ABCG5: variants seen among roughly 807,000 people sequenced by gnomAD.
ABCG5 encodes the protein ATP binding cassette subfamily G member 5, also known as ATP-binding cassette sub-family G member 5.
In ABCG5, 64 loss-of-function variants were observed where a neutral mutation model predicts 64.5. The observed-to-expected ratio is 0.99, with a 90% CI of 0.81 to 1.22. The LOEUF is 1.22. ABCG5 is among the 50% of genes most tolerant of loss of function. The pLI, the probability that ABCG5 is intolerant of heterozygous loss-of-function variation, is 0.00. For missense variants in ABCG5, 908 were observed against 829.5 expected (o/e 1.09, Z -1.16); for synonymous variants, 385 against 326.3 (o/e 1.18, Z -1.94).
downstream of ABCG5, among the ~76,000 whole-genome samples, chr2:43,808,262 A>AG (rs1373745569): frequency 2.2e-4 from 26 of 118,826 alleles, no homozygotes; most frequent in African/African-American, 8.5e-4. Flanking sequence ...AGGAAGTTAA[A>AG]GGAAAAAAAA....
chr2:43,826,063 C>A (rs1487804570), intron 6 of ABCG5, among the ~76,000 whole-genome samples: 5 of 152,156 alleles, frequency 3.3e-5, no homozygotes, highest in Non-Finnish European at 7.3e-5. Flanking sequence ...GCAGCCTTGA[C>A]CTACTGGGCT....
At chr2:43,812,320 T>G (rs1488423108), downstream of ABCG5, among the ~76,000 whole-genome samples, 1 of 56,252 alleles carries the variant, frequency 1.8e-5, no homozygotes, top group East Asian at 2.6e-4. Flanking sequence ...CTTGTAATTC[T>G]TTTTTTTTTT....
At position 43,838,067 on chromosome 2, in the gene ABCG5, G is replaced by A; in HGVS notation, c.144-112C>T. ...CCCCACCCCAGTAGTCTCCGGACAG[G>A]CTCCTAACGTGTTTCAGTCTCTGCG... On this transcript the variant is annotated intron_variant, in intron 1 of 12. Transcript: ENST00000405322. The surrounding 1 kb of genome is among the most constrained non-coding windows in gnomAD (Gnocchi z 4.2). The A allele has an allele frequency of 6.9e-7, 1 of 1,456,128 alleles. No individual in the cohort carries two copies. The highest frequency in any genetic ancestry group is 2.2e-4 in the Middle Eastern group (1 of 4,580). The allele number at this position is 1,456,128 out of a possible 1,614,324, so 90.2% of individuals were successfully genotyped here.
chr2:43,836,068 C>G (rs970406776), intron 2 of ABCG5, among the ~76,000 whole-genome samples: 6 of 152,036 alleles, frequency 3.9e-5, no homozygotes, highest in African/African-American at 1.5e-4. Flanking sequence ...TCCCGAGTAG[C>G]TGGGATTACA....
intron 2 of ABCG5, among the ~76,000 whole-genome samples, chr2:43,836,857 C>T (rs1668301382): frequency 6.6e-6 from 1 of 151,992 alleles, no homozygotes; most frequent in African/African-American, 2.4e-5. Context: ...AGCAAGAACG[C>T]TGTCTCTACA....
chr2:43,820,917 G>C (rs921169690), intron 10 of ABCG5, among the ~76,000 whole-genome samples: 1 of 152,178 alleles, frequency 6.6e-6, no homozygotes, highest in Non-Finnish European at 1.5e-5. Flanking sequence ...GCCTCCCAAA[G>C]TGCTAGGATT....
Position 43,822,797 on chromosome 2 carries a change from C to G in ABCG5, c.1463G>C (p.Trp488Ser), listed in dbSNP as rs752136409. The change falls in exon 10 of 13, where the codon TGG becomes TCG. Residue 488 changes from tryptophan (W) to serine (S), a missense_variant and splice_region_variant. Physicochemically the swap from Trp to Ser is radical, Grantham distance 177 (BLOSUM62 -3). Coordinates refer to ENST00000405322, the MANE Select transcript of ABCG5 (RefSeq NM_022436.3). ...ATMIFSSVCY[W>S]TLGLHPEVAR... ...CTGGGTGAACTGAACAACCCCTCACCAGTAGCACACACTGCTGAAAATCAT... is the reference window on the plus strand; with the variant it reads ...CTGGGTGAACTGAACAACCCCTCACGAGTAGCACACACTGCTGAAAATCAT... 4 of 1,614,162 alleles carry G rather than the reference C, an allele frequency of 2.5e-6. No homozygotes were observed. The highest frequency in any genetic ancestry group is 3.4e-6 in the Non-Finnish European group (4 of 1,180,018).
chr2:43,830,151 G>A (rs1454083148), intron 4 of ABCG5, among the ~76,000 whole-genome samples: 1 of 152,124 alleles, frequency 6.6e-6, no homozygotes, highest in Non-Finnish European at 1.5e-5. Flanking sequence ...GATGGACAGA[G>A]AAGACATTTA....
chr2:43,812,749 C>A lies in ABCG5; in HGVS notation c.*367G>T. 1 of 206,120 alleles carries A rather than the reference C, an allele frequency of 4.9e-6. No individual in the cohort carries two copies. Among genetic ancestry groups the A allele is most frequent in the Non-Finnish European group, 9.9e-6 (1 of 100,730 alleles). The allele number at this position is 206,120 out of a possible 1,614,324, so 12.8% of individuals were successfully genotyped here. A position where few individuals can be genotyped will look rare whatever the true frequency, so the allele number is the denominator to read the frequency against. On this transcript the variant is annotated 3_prime_UTR_variant, in exon 13 of 13. Coordinates refer to ENST00000405322, the MANE Select transcript of ABCG5 (RefSeq NM_022436.3). ...AATCCTTGAAACATTTTATTTTTGC[C>A]TAATCCTTTATCCAATGTAAACATA...
At chr2:43,821,550 T>C (rs999513582) in intron 10 of ABCG5, among the ~76,000 whole-genome samples, 1 of 152,144 alleles carries the variant, frequency 6.6e-6, no homozygotes, top group African/African-American at 2.4e-5. Flanking sequence ...CTGGACCCCT[T>C]CTGCCATTCT....
At position 43,838,153 on chromosome 2, in the gene ABCG5, C is replaced by A. The variant is rs1668400989; in HGVS notation, c.144-198G>T. ...GCTGTCTGCCACGTAGGGAGGGGGCCTGTGCTGGAGTTGCTCTGAATGTCC... is the reference window on the plus strand; with the variant it reads ...GCTGTCTGCCACGTAGGGAGGGGGCATGTGCTGGAGTTGCTCTGAATGTCC... On this transcript the variant is annotated intron_variant, in intron 1 of 12. Transcript: ENST00000405322. The surrounding 1 kb of genome is among the most constrained non-coding windows in gnomAD (Gnocchi z 4.2). 2.9e-6 allele frequency: 2 copies of A among 689,826 alleles called. No individual in the cohort carries two copies. The highest frequency in any genetic ancestry group is 2.6e-5 in the Admixed American group (1 of 38,182). 42.7% of individuals were successfully genotyped at this position (689,826 alleles called of 1,614,324 possible).
intron 4 of ABCG5, among the ~76,000 whole-genome samples, chr2:43,829,518 C>T (rs1490382673): frequency 3.3e-5 from 5 of 152,138 alleles, no homozygotes; most frequent in South Asian, 2.1e-4. Context: ...AAAACAATAA[C>T]GACTAAAAAA....
In ABCG5 at chr2:43,831,750, A is replaced by C; in HGVS notation, c.501+19T>G. 6.4e-7 allele frequency: 1 copy of C among 1,562,088 alleles called. No homozygotes were observed. Among genetic ancestry groups the C allele is most frequent in the Non-Finnish European group, 8.7e-7 (1 of 1,154,616 alleles). ...AAAGGTACTCAGTTTGCCCTCTGTG[A>C]GCGGGGGGCTGCACCCACCTTCTTC... On this transcript the variant is annotated intron_variant, in intron 4 of 12. Coordinates refer to ENST00000405322, the MANE Select transcript of ABCG5 (RefSeq NM_022436.3).
At chr2:43,833,577 G>A (rs560982483) in intron 2 of ABCG5, among the ~76,000 whole-genome samples, 1 of 151,844 alleles carries the variant, frequency 6.6e-6, no homozygotes, top group Non-Finnish European at 1.5e-5. Flanking sequence ...GTAGAGATGG[G>A]GTTTCACTGC....
intron 2 of ABCG5, chr2:43,832,303 CCT>C (rs1233103972): frequency 8.8e-5 from 55 of 625,442 alleles, no homozygotes; most frequent in South Asian, 5.5e-4. Flanking sequence ...TGGATTGTCC[CCT>C]GAGTGAGAGG....
chr2:43,826,126 C>T lies in ABCG5; in HGVS notation c.774+256G>A, dbSNP rs370184523. ...AAGTAGCTGGGACCACAGATATGCA[C>T]CACCATGCCTGGCTAATTTTTCTTT... On this transcript the variant is annotated intron_variant, in intron 6 of 12. Coordinates refer to ENST00000405322, the MANE Select transcript of ABCG5 (RefSeq NM_022436.3). Among the ~76,000 whole-genome samples, 10 of 152,182 alleles carry T rather than the reference C, an allele frequency of 6.6e-5. No homozygotes were observed. In the East Asian group the frequency reaches 1.7e-3, roughly 26 times the overall value.
Position 43,825,064 on chromosome 2 carries a change from G to T in ABCG5, c.775-46C>A, listed in dbSNP as rs4148186. The T allele has an allele frequency of 1.0e-5, 16 of 1,605,410 alleles. No individual in the cohort carries two copies. The African/African-American group carries it at 2.1e-4, about 21-fold the overall frequency. ...GTTAGTGTGTGATCACAAGGGTAGC[G>T]ATGCACTTTGAATGTCTCTGGGAAC... On this transcript the variant is annotated intron_variant, in intron 6 of 12. Coordinates refer to ENST00000405322, the MANE Select transcript of ABCG5 (RefSeq NM_022436.3).
intron 11 of ABCG5, among the ~76,000 whole-genome samples, chr2:43,818,964 C>T (rs1445204692): frequency 6.6e-6 from 1 of 152,114 alleles, no homozygotes; most frequent in Non-Finnish European, 1.5e-5. Flanking sequence ...AGCCTCTCTC[C>T]ACGAAGTCAC....
At chr2:43,839,172 A>G (rs1373877328), upstream of ABCG5, 8 of 1,528,826 alleles carry the variant, frequency 5.2e-6, no homozygotes, top group Non-Finnish European at 7.1e-6. Flanking sequence ...GAGAAATCAA[A>G]CCTTTCTCTC....
Sources: allele counts gnomAD v4.1 joint callset (sites outside exome capture counted in the v4.1 genomes callset), GRCh38; gene constraint gnomAD v4.1.1; non-coding constraint Gnocchi (gnomAD v3.1); transcripts MANE v1.5; gene names NCBI Gene and HGNC (gene_info 2026-07-23, HGNC 2026-07-21).